SEPTIN14: variants seen among roughly 807,000 people sequenced by gnomAD.
SEPTIN14 encodes the protein septin 14, also known as septin-14.
SEPTIN14 carries 40 observed loss-of-function variants against 53.6 expected under a neutral mutation model. That is an observed-to-expected ratio of 0.75 (90% confidence interval 0.58 to 0.97). The LOEUF (loss-of-function observed/expected upper bound fraction) is 0.97, where lower values mean the gene tolerates loss of function less well. SEPTIN14 is among the 50% of genes least tolerant of loss of function. The probability of loss-of-function intolerance (pLI) is 0.00; values close to 1 mark genes in which losing one functional copy is unlikely to be tolerated. For synonymous variants in SEPTIN14, 138 were observed against 166.8 expected (o/e 0.83, Z 1.33); for missense variants, 471 against 508.2 (o/e 0.93, Z 0.70).
At chr7:55,838,401 A>G (rs926062850) in intron 5 of SEPTIN14, among the ~76,000 whole-genome samples, 1 of 152,028 alleles carries the variant, frequency 6.6e-6, no homozygotes, top group African/African-American at 2.4e-5. Context: ...ATCATATAGT[A>G]AATTTTATTT....
chr7:55,846,550 G>A lies in SEPTIN14; in HGVS notation c.142C>T (p.Arg48Ter), dbSNP rs775339852. 39 of 1,596,734 alleles carry A rather than the reference G, an allele frequency of 2.4e-5. 1 individual carries two copies. The Admixed American group carries it at 3.4e-4, about 14-fold the overall frequency. ...LPNQLVSRSI[R>*]QGFTFNILCV... Reference sequence around the variant, plus strand: ...AGAATATTAAAAGTGAATCCTTGTCGGATAGATCTGCTCACCAACTGATTG... The same window carrying A: ...AGAATATTAAAAGTGAATCCTTGTCAGATAGATCTGCTCACCAACTGATTG... Residue 48 changes from arginine to a stop codon, truncating the protein, a stop_gained, in exon 3 of 10, where the codon CGA becomes TGA. Transcript: ENST00000388975. LOFTEE classifies it high-confidence loss of function.
intron 6 of SEPTIN14, among the ~76,000 whole-genome samples, chr7:55,830,347 ATATTTTT>A (rs1789086171): frequency 9.9e-5 from 5 of 50,392 alleles, no homozygotes; most frequent in African/African-American, 6.3e-4. Flanking sequence ...ATATATATAT[ATATTTTT>A]TTTTTTTTTT....
intron 2 of SEPTIN14, among the ~76,000 whole-genome samples, chr7:55,851,271 A>T (rs953916367): frequency 6.6e-6 from 1 of 152,190 alleles, no homozygotes; most frequent in Non-Finnish European, 1.5e-5. Context: ...AACATTTCTG[A>T]CATCCCTAAA....
At chr7:55,798,343 C>T in intron 9 of SEPTIN14, 1 of 292,322 alleles carries the variant, frequency 3.4e-6, no homozygotes, top group Non-Finnish European at 6.5e-6. Context: ...GGGCCCAGAA[C>T]CCCACACACT....
intron 6 of SEPTIN14, among the ~76,000 whole-genome samples, chr7:55,832,486 G>T (rs1260870291): frequency 6.6e-6 from 1 of 152,104 alleles, no homozygotes; most frequent in African/African-American, 2.4e-5. Flanking sequence ...TAATAGTAAA[G>T]TCATGGAATT....
At chr7:55,809,309 C>CTTTT (rs780613537) in intron 7 of SEPTIN14, among the ~76,000 whole-genome samples, 9 of 88,638 alleles carry the variant, frequency 1.0e-4, no homozygotes, top group African/African-American at 1.4e-4. Flanking sequence ...ACTATGCTTA[C>CTTTT]TTTTTTTTTT....
chr7:55,795,572 A>C lies in SEPTIN14; in HGVS notation c.*341T>G, dbSNP rs6947153. ...AACCTCCACCTCCGGGGTTCAAGTG[A>C]TTCTCCTGCCTCAGCCTCCCAAGTG... On this transcript the variant is annotated 3_prime_UTR_variant, in exon 10 of 10. Transcript: ENST00000388975. The C allele has an allele frequency of 0.28, 73,334 of 265,848 alleles. 10,653 individuals carry two copies. Among genetic ancestry groups the C allele is most frequent in the East Asian group, 0.4 (3,415 of 8,492 alleles). 16.5% of individuals were successfully genotyped at this position (265,848 alleles called of 1,614,324 possible). A position where few individuals can be genotyped will look rare whatever the true frequency, so the allele number is the denominator to read the frequency against.
intron 5 of SEPTIN14, among the ~76,000 whole-genome samples, chr7:55,842,418 C>A (rs1201663323): frequency 6.6e-6 from 1 of 151,736 alleles, no homozygotes; most frequent in Non-Finnish European, 1.5e-5. Flanking sequence ...TCAGCCTGGG[C>A]AACATAGTGA....
chr7:55,804,531 T>C (rs1190003927), intron 9 of SEPTIN14, among the ~76,000 whole-genome samples: 1 of 152,180 alleles, frequency 6.6e-6, no homozygotes, highest in Non-Finnish European at 1.5e-5. Flanking sequence ...AGTGCTGGGA[T>C]TATAGGTGTG....
In SEPTIN14 at chr7:55,830,341, A is replaced by T. The variant is rs1311244950; in HGVS notation, c.720+4084T>A. On this transcript the variant is annotated intron_variant, in intron 6 of 9. Transcript: ENST00000388975. Reference sequence around the variant, plus strand: ...CAACTGTATATATATATATATATATATATATATATTTTTTTTTTTTTTTGA... The same window carrying T: ...CAACTGTATATATATATATATATATTTATATATATTTTTTTTTTTTTTTGA... 6.0e-3 allele frequency among the ~76,000 whole-genome samples: 195 copies of T among 32,266 alleles called. 8 individuals carry two copies. Among genetic ancestry groups the T allele is most frequent in the African/African-American group, 0.025 (115 of 4,554 alleles). The allele number at this position is 32,266 out of a possible 152,430, so 21.2% of individuals were successfully genotyped here.
At chr7:55,815,560 T>C (rs1376405239) in intron 7 of SEPTIN14, among the ~76,000 whole-genome samples, 2 of 151,716 alleles carry the variant, frequency 1.3e-5, no homozygotes, top group Non-Finnish European at 2.9e-5. Flanking sequence ...CTGCTCATTG[T>C]GGGTTTTTTT....
At chr7:55,812,631 C>G (rs943604919) in intron 7 of SEPTIN14, among the ~76,000 whole-genome samples, 1 of 152,084 alleles carries the variant, frequency 6.6e-6, no homozygotes, top group African/African-American at 2.4e-5. Flanking sequence ...AGTCATCCCC[C>G]TACATAAACA....
chr7:55,854,495 T>C (rs550179660), intron 2 of SEPTIN14, among the ~76,000 whole-genome samples: 15 of 152,152 alleles, frequency 9.9e-5, no homozygotes, highest in African/African-American at 3.6e-4. Context: ...AGTAGTGCGA[T>C]CTCGGCTCAC....
chr7:55,798,027 C>A, intron 9 of SEPTIN14: 1 of 165,034 alleles, frequency 6.1e-6, no homozygotes, highest in South Asian at 1.5e-4. Flanking sequence ...GAACCCCTGC[C>A]CAGACCATGT....
intron 5 of SEPTIN14, among the ~76,000 whole-genome samples, chr7:55,840,902 A>T (rs1010638813): frequency 6.8e-6 from 1 of 148,070 alleles, no homozygotes; most frequent in Non-Finnish European, 1.5e-5. Context: ...TTATTTATTT[A>T]TTATTTATTT....
intron 7 of SEPTIN14, among the ~76,000 whole-genome samples, chr7:55,809,059 A>G (rs1299829499): frequency 6.6e-6 from 1 of 152,336 alleles, no homozygotes. Context: ...GAACATATAC[A>G]CTATGGAATA....
At chr7:55,812,985 T>C (rs1220056682) in intron 7 of SEPTIN14, among the ~76,000 whole-genome samples, 1 of 151,904 alleles carries the variant, frequency 6.6e-6, no homozygotes, top group Non-Finnish European at 1.5e-5. Context: ...AGTCTCGCTC[T>C]TTCACGCAGG....
At chr7:55,800,522 G>A (rs969205566) in intron 9 of SEPTIN14, among the ~76,000 whole-genome samples, 16 of 152,270 alleles carry the variant, frequency 1.1e-4, no homozygotes, top group Admixed American at 2.6e-4. Context: ...CACTTGGGAG[G>A]CTGAGGCAGG....
intron 5 of SEPTIN14, among the ~76,000 whole-genome samples, chr7:55,834,818 T>C (rs1024924459): frequency 6.6e-6 from 1 of 152,026 alleles, no homozygotes; most frequent in Non-Finnish European, 1.5e-5. Context: ...AATTTCTTTT[T>C]GTGTTTTTAG....
Sources: gnomAD v4.1 joint callset for allele counts (sites outside exome capture counted in the v4.1 genomes callset) on GRCh38, gnomAD v4.1.1 for gene constraint, MANE v1.5 for transcripts, NCBI Gene and HGNC (gene_info 2026-07-23, HGNC 2026-07-21) for gene names.